Variants in CACNB2 observed in about 807,000 individuals in gnomAD.
CACNB2 encodes voltage-dependent L-type calcium channel subunit beta-2.
In CACNB2, 42 loss-of-function variants were observed where a neutral mutation model predicts 73.3. That is an observed-to-expected ratio of 0.57 (90% confidence interval 0.45 to 0.74). The LOEUF (loss-of-function observed/expected upper bound fraction) is 0.74. CACNB2 is among the 30% of genes least tolerant of loss of function. The pLI, the probability that CACNB2 is intolerant of heterozygous loss-of-function variation, is 0.00. For missense variants in CACNB2, 940 were observed against 853.0 expected, an observed-to-expected ratio of 1.10 and a Z score of -1.27; for synonymous variants, 348 against 310.3, an observed-to-expected ratio of 1.12 and a Z score of -1.28.
chr10:18,259,611 G>C lies in CACNB2; in HGVS notation c.213+108636G>C, dbSNP rs529165373. 2.7e-5 allele frequency among the ~76,000 whole-genome samples: 4 copies of C among 150,668 alleles called. No individual in the cohort carries two copies. The South Asian group carries it at 8.4e-4, about 32-fold the overall frequency. ...CCAGGCATGGTGGTGCACACCTGTA[G>C]TCCCAGCTACTCAGGAGTCTGAGGC... On this transcript the variant is annotated intron_variant, in intron 2 of 13. Coordinates refer to ENST00000324631, the MANE Select transcript of CACNB2 (RefSeq NM_201596.3).
chr10:18,235,785 A>G (rs1185978990), intron 2 of CACNB2, among the ~76,000 whole-genome samples: 1 of 152,130 alleles, frequency 6.6e-6, no homozygotes, highest in Non-Finnish European at 1.5e-5. Context: ...TACAGCAGCC[A>G]CGGAGGTATG....
At chr10:18,361,756 G>A (rs189935680) in intron 2 of CACNB2, among the ~76,000 whole-genome samples, 19 of 152,000 alleles carry the variant, frequency 1.3e-4, no homozygotes, top group African/African-American at 4.1e-4. Flanking sequence ...GGGATTACAG[G>A]TGCATGCCAT....
At chr10:18,502,526 T>TA (rs113303130) in intron 5 of CACNB2, among the ~76,000 whole-genome samples, 3,996 of 131,970 alleles carry the variant, frequency 0.03, 186 homozygotes, top group African/African-American at 0.1. Flanking sequence ...CCGTCTCTAC[T>TA]AAAAAAAAAA....
At chr10:18,500,659 G>A (rs1326044405) in intron 4 of CACNB2, among the ~76,000 whole-genome samples, 153 bp from the exon 5 acceptor site, 1 of 152,150 alleles carries the variant, frequency 6.6e-6, no homozygotes, top group East Asian at 1.9e-4. Context: ...TTTCTTACAT[G>A]TGAAACCCAT....
intron 5 of CACNB2, among the ~76,000 whole-genome samples, chr10:18,505,232 A>C (rs1036884283): frequency 6.6e-6 from 1 of 151,388 alleles, no homozygotes; most frequent in Non-Finnish European, 1.5e-5. Flanking sequence ...CTGAAATTAG[A>C]CTTAATACTT....
At chr10:18,417,982 A>G (rs1407616388) in intron 3 of CACNB2, among the ~76,000 whole-genome samples, 2 of 152,234 alleles carry the variant, frequency 1.3e-5, no homozygotes, top group Non-Finnish European at 2.9e-5. Context: ...GTTAGATGTA[A>G]CAATTGACTA....
In CACNB2 at chr10:18,140,641, C is replaced by T. The variant is rs1332923657; in HGVS notation, c.-96C>T. The stretch of plus-strand genomic sequence containing the variant: ...ACGGCCGGGCCTGAGCCCTGGGCGG[C>T]CCCCAGAGCCGATCAGAGCGCGGGG... On this transcript the variant is annotated 5_prime_UTR_variant, in exon 1 of 14. Transcript: ENST00000324631. 1.0e-5 allele frequency: 11 copies of T among 1,102,686 alleles called. No individual in the cohort carries two copies. The highest frequency in any genetic ancestry group is 1.4e-5 in the South Asian group (1 of 69,980). The allele number at this position is 1,102,686 out of a possible 1,614,324, so 68.3% of individuals were successfully genotyped here. A position where few individuals can be genotyped will look rare whatever the true frequency, so the allele number is the denominator to read the frequency against.
intron 2 of CACNB2, among the ~76,000 whole-genome samples, chr10:18,298,023 G>A (rs1391092511): frequency 1.3e-5 from 2 of 152,160 alleles, no homozygotes; most frequent in South Asian, 2.1e-4. Flanking sequence ...TTCTATGTGG[G>A]TGAAGGTAAA....
intron 1 of CACNB2, 52 bp downstream of exon 1, chr10:18,140,908 A>G (rs2030314678): frequency 6.4e-7 from 1 of 1,556,156 alleles, no homozygotes; most frequent in Admixed American, 1.9e-5. Flanking sequence ...CGGGCAGGGC[A>G]CCGACCTCGG....
intron 2 of CACNB2, among the ~76,000 whole-genome samples, chr10:18,377,443 A>C (rs927500707): frequency 1.8e-4 from 27 of 152,224 alleles, no homozygotes; most frequent in Admixed American, 1.3e-4. Flanking sequence ...TGAGGCCATA[A>C]GATCTGTGTT....
chr10:18,358,855 A>G (rs1259369940), intron 2 of CACNB2, among the ~76,000 whole-genome samples: 2 of 152,234 alleles, frequency 1.3e-5, no homozygotes, highest in African/African-American at 2.4e-5. Flanking sequence ...CTGTCAATAC[A>G]GCATCACAGA....
intron 3 of CACNB2, among the ~76,000 whole-genome samples, chr10:18,415,627 G>A (rs139379356): frequency 1.6e-4 from 24 of 152,276 alleles, no homozygotes; most frequent in Admixed American, 1.6e-3. Context: ...TGGAGGCAGA[G>A]CCTACGTTAA....
In CACNB2 at chr10:18,456,563, A is replaced by G. The variant is rs181082148; in HGVS notation, c.334-41792A>G. Reference sequence around the variant, plus strand: ...ATTCATAGGCCACCCTTATGAGCCAATCACCTCCCACCAGGCCCCACCTCC... The same window carrying G: ...ATTCATAGGCCACCCTTATGAGCCAGTCACCTCCCACCAGGCCCCACCTCC... On this transcript the variant is annotated intron_variant, in intron 3 of 13. Coordinates refer to ENST00000324631, the MANE Select transcript of CACNB2 (RefSeq NM_201596.3). 1.5e-3 allele frequency among the ~76,000 whole-genome samples: 226 copies of G among 152,264 alleles called. 3 individuals are homozygous for G. Among genetic ancestry groups the G allele is most frequent in the African/African-American group, 5.0e-3 (206 of 41,554 alleles).
chr10:18,385,559 A>G (rs1360776752), intron 2 of CACNB2, among the ~76,000 whole-genome samples: 1 of 150,078 alleles, frequency 6.7e-6, no homozygotes. Flanking sequence ...CTCAGGAGGC[A>G]GAGCTTGTGG....
chr10:18,438,182 G>GGTT (rs1447744792), intron 3 of CACNB2, among the ~76,000 whole-genome samples: 1 of 38,414 alleles, frequency 2.6e-5, no homozygotes, highest in Admixed American at 1.9e-4. Context: ...CACACCTGGC[G>GGTT]ATTTTTTTTT....
At chr10:18,386,235 C>G (rs866418596) in intron 2 of CACNB2, among the ~76,000 whole-genome samples, 1 of 151,982 alleles carries the variant, frequency 6.6e-6, no homozygotes, top group African/African-American at 2.4e-5. Flanking sequence ...TCTCTCCTTC[C>G]CCTGCTTTTT....
At chr10:18,386,441 C>T (rs1390873618) in intron 2 of CACNB2, among the ~76,000 whole-genome samples, 7 of 121,644 alleles carry the variant, frequency 5.8e-5, no homozygotes, top group East Asian at 2.7e-4. Flanking sequence ...CTCACTCTGT[C>T]GCCCAGGCTG....
chr10:18,482,045 A>T (rs1226979672), intron 3 of CACNB2, among the ~76,000 whole-genome samples: 2 of 152,004 alleles, frequency 1.3e-5, no homozygotes, highest in Non-Finnish European at 2.9e-5. Context: ...GCCTGCCACC[A>T]TGCCCTACTA....
At chr10:18,163,164 C>T (rs979243250) in intron 2 of CACNB2, among the ~76,000 whole-genome samples, 15 of 152,128 alleles carry the variant, frequency 9.9e-5, no homozygotes, top group African/African-American at 3.4e-4. Context: ...AAATAGTGGA[C>T]GCATGCTGAC....
Sources: allele counts gnomAD v4.1 joint callset (sites outside exome capture counted in the v4.1 genomes callset), GRCh38; gene constraint gnomAD v4.1.1; transcripts MANE v1.5; gene names NCBI Gene and HGNC (gene_info 2026-07-23, HGNC 2026-07-21).